The following DLC1 variants were observed in gnomAD, a reference collection of about 807,000 sequenced individuals.
The protein encoded by DLC1 is rho GTPase-activating protein 7.
DLC1 carries 54 observed loss-of-function variants against 140.3 expected under a neutral mutation model. The observed-to-expected ratio is 0.38, with a 90% confidence interval of 0.31 to 0.48. DLC1 has a LOEUF of 0.48. Ranked by LOEUF, DLC1 falls within the 20% of genes least tolerant of loss-of-function variation. DLC1 has a pLI of 0.96. For missense variants in DLC1, 2,536 were observed against 1,907.0 expected, an observed-to-expected ratio of 1.33 and a Z score of -6.14; for synonymous variants, 986 against 728.1, an observed-to-expected ratio of 1.35 and a Z score of -5.70.
intron 5 of DLC1, among the ~76,000 whole-genome samples, chr8:13,259,713 G>C (rs1450025706): frequency 6.6e-6 from 1 of 151,882 alleles, no homozygotes; most frequent in African/African-American, 2.4e-5. Context: ...ATTTGAACTG[G>C]TGTGTGTTAT....
In DLC1 at chr8:13,514,594, C is replaced by T. The variant is rs377423878; in HGVS notation, c.-126+8G>A. On this transcript the variant is annotated splice_region_variant and intron_variant, in intron 1 of 17. Transcript: ENST00000276297. The stretch of plus-strand genomic sequence containing the variant: ...CTCAAAGCATAAAGATAGTCCATAG[C>T]GTCTTACCTAGACAACGAGGAGCTG... 15 of 398,542 alleles carry T rather than the reference C, an allele frequency of 3.8e-5. No individual in the cohort carries two copies. The highest frequency in any genetic ancestry group is 3.1e-4 in the African/African-American group (15 of 48,748). The allele number at this position is 398,542 out of a possible 1,614,324, so 24.7% of individuals were successfully genotyped here.
At chr8:13,565,881 T>C (rs1190669198) in intron 1 of DLC1, among the ~76,000 whole-genome samples, 1 of 152,208 alleles carries the variant, frequency 6.6e-6, no homozygotes, top group Admixed American at 6.5e-5. Context: ...AATGAATCCA[T>C]TAATAAAAAA....
In DLC1 at chr8:13,285,993, C is replaced by T. The variant is rs914009970; in HGVS notation, c.1348+19276G>A. On this transcript the variant is annotated intron_variant, in intron 5 of 17. Transcript: ENST00000276297. Reference sequence around the variant, plus strand: ...GATGATGAAAAGCAAAGTGATAAACCGGGGAAATATTTGCACAATAAATAT... The same window carrying T: ...GATGATGAAAAGCAAAGTGATAAACTGGGGAAATATTTGCACAATAAATAT... Among the ~76,000 whole-genome samples, 21 of 151,794 alleles carry T rather than the reference C, an allele frequency of 1.4e-4. 1 individual carries two copies. The highest frequency in any genetic ancestry group is 3.4e-4 in the African/African-American group (14 of 41,298).
At chr8:13,441,907 A>G (rs1798526764) in intron 2 of DLC1, among the ~76,000 whole-genome samples, 1 of 152,236 alleles carries the variant, frequency 6.6e-6, no homozygotes, top group Admixed American at 6.5e-5. Flanking sequence ...GTCAATCCTA[A>G]GCCAAAAGAA....
At chr8:13,188,454 T>G (rs1047717196) in intron 5 of DLC1, among the ~76,000 whole-genome samples, 7 of 138,884 alleles carry the variant, frequency 5.0e-5, no homozygotes, top group African/African-American at 1.8e-4. Context: ...AAAGTAATGA[T>G]AAACATGAAA....
At chr8:13,581,370 T>C (rs1348888941) in intron 1 of DLC1, among the ~76,000 whole-genome samples, 1 of 152,226 alleles carries the variant, frequency 6.6e-6, no homozygotes, top group Admixed American at 6.5e-5. Context: ...AAACTCTTGC[T>C]GTTCCCCCAG....
chr8:13,240,957 TAAG>T (rs1186200614), intron 5 of DLC1, among the ~76,000 whole-genome samples: 2 of 152,076 alleles, frequency 1.3e-5, no homozygotes, highest in African/African-American at 4.8e-5. Flanking sequence ...TTCAGGAGGC[TAAG>T]AAGGAGAGAG....
intron 1 of DLC1, among the ~76,000 whole-genome samples, chr8:13,570,369 T>A (rs1422491354): frequency 1.3e-5 from 2 of 150,090 alleles, no homozygotes; most frequent in Non-Finnish European, 3.0e-5. Context: ...TATGTATACA[T>A]GTGCCATGCT....
In DLC1 at chr8:13,548,739, G is replaced by T. The variant is rs539647983; in HGVS notation, c.-125-48543C>A. Among the ~76,000 whole-genome samples the T allele has an allele frequency of 1.8e-4, 27 of 152,092 alleles. No individual in the cohort carries two copies. In the South Asian group the frequency reaches 5.2e-3, roughly 29 times the overall value. On this transcript the variant is annotated intron_variant, in intron 1 of 1. Transcript: ENST00000631382. ...TAGAGATATATCTCTAAGACCACCTGTTAATAAACATCAAGATAGCCAGTA... is the reference window on the plus strand; with the variant it reads ...TAGAGATATATCTCTAAGACCACCTTTTAATAAACATCAAGATAGCCAGTA...
chr8:13,373,265 T>C (rs1432476958), intron 4 of DLC1, among the ~76,000 whole-genome samples: 1 of 152,200 alleles, frequency 6.6e-6, no homozygotes, highest in Non-Finnish European at 1.5e-5. Context: ...ACCACATTCA[T>C]TAGTGTCATT....
At chr8:13,589,239 G>A (rs908096778) in intron 1 of DLC1, among the ~76,000 whole-genome samples, 3 of 151,932 alleles carry the variant, frequency 2.0e-5, no homozygotes, top group Non-Finnish European at 2.9e-5. Context: ...CTTTTTTAAT[G>A]TTATAATAGA....
chr8:13,574,432 G>A (rs1001758450), intron 1 of DLC1, among the ~76,000 whole-genome samples: 1 of 151,950 alleles, frequency 6.6e-6, no homozygotes, highest in Non-Finnish European at 1.5e-5. Context: ...AAAGGGGGTT[G>A]GATATCTTTT....
At chr8:13,478,351 A>T (rs969437951) in intron 2 of DLC1, among the ~76,000 whole-genome samples, 3 of 152,170 alleles carry the variant, frequency 2.0e-5, no homozygotes, top group African/African-American at 7.2e-5. Flanking sequence ...AGCCTGAGGG[A>T]TCCATTCCCA....
intron 1 of DLC1, among the ~76,000 whole-genome samples, chr8:13,588,297 T>G (rs1445081745): frequency 6.6e-6 from 1 of 152,104 alleles, no homozygotes; most frequent in Non-Finnish European, 1.5e-5. Flanking sequence ...ATTAGCCTAC[T>G]GGGTGGATTA....
intron 2 of DLC1, among the ~76,000 whole-genome samples, chr8:13,406,665 G>A (rs1437338191): frequency 1.3e-5 from 2 of 152,060 alleles, no homozygotes; most frequent in Non-Finnish European, 2.9e-5. Flanking sequence ...ACTCTTCTCT[G>A]GATATGATAT....
intron 2 of DLC1, among the ~76,000 whole-genome samples, chr8:13,436,475 A>T (rs1161218088): frequency 6.6e-6 from 1 of 152,126 alleles, no homozygotes; most frequent in Non-Finnish European, 1.5e-5. Context: ...AATCTTCATT[A>T]TTTTCACTTT....
At chr8:13,414,636 C>G (rs929724107) in intron 2 of DLC1, among the ~76,000 whole-genome samples, 1 of 152,050 alleles carries the variant, frequency 6.6e-6, no homozygotes, top group Non-Finnish European at 1.5e-5. Flanking sequence ...TAATGGGACT[C>G]TATATGGAAA....
intron 1 of DLC1, among the ~76,000 whole-genome samples, chr8:13,524,596 T>G (rs1802863466): frequency 6.6e-6 from 1 of 152,192 alleles, no homozygotes; most frequent in Non-Finnish European, 1.5e-5. Flanking sequence ...CCTGTATTTC[T>G]CTCAATGAAA....
intron 4 of DLC1, among the ~76,000 whole-genome samples, chr8:13,376,948 A>G (rs1836021133): frequency 6.6e-6 from 1 of 152,198 alleles, no homozygotes; most frequent in Non-Finnish European, 1.5e-5. Context: ...TTGTAAATAT[A>G]AAGAGGAGAA....
Sources: gnomAD v4.1 joint callset for allele counts (sites outside exome capture counted in the v4.1 genomes callset) on GRCh38, gnomAD v4.1.1 for gene constraint, MANE v1.5 for transcripts, NCBI Gene and HGNC (gene_info 2026-07-23, HGNC 2026-07-21) for gene names.